The following MBTD1 variants were observed in gnomAD, a reference collection of about 807,000 sequenced individuals.
MBTD1 encodes MBT domain-containing protein 1.
A neutral mutation model predicts 87.8 loss-of-function variants in MBTD1; 24 were observed. The observed-to-expected ratio is 0.27, with a 90% CI of 0.20 to 0.38. The LOEUF (loss-of-function observed/expected upper bound fraction) is 0.38, where lower values mean the gene tolerates loss of function less well. Ranked by LOEUF, MBTD1 falls within the 10% of genes least tolerant of loss-of-function variation. The pLI is 1.00. For missense variants in MBTD1, 436 were observed against 760.2 expected (o/e 0.57, Z 5.02); for synonymous variants, 237 against 248.6 (o/e 0.95, Z 0.44).
rs1490967900 is a variant in MBTD1, at chr17:51,192,335, T to A, written c.1691-55A>T. The A allele has an allele frequency of 4.2e-6, 5 of 1,200,354 alleles. No homozygotes were observed. In the African/African-American group the frequency reaches 7.6e-5, roughly 18 times the overall value. The allele number at this position is 1,200,354 out of a possible 1,614,324, so 74.4% of individuals were successfully genotyped here. ...AGATAATTGTTTACAATTTAGACGA[T>A]ACAGTTGTCTAGATACAACTTATAT... is the stretch of plus-strand genomic sequence containing the variant. On this transcript the variant is annotated intron_variant, in intron 15 of 16. Transcript: ENST00000586178.
chr17:51,217,372 T>C lies in MBTD1; in HGVS notation c.448A>G (p.Asn150Asp). Reference protein sequence around the residue: ...GFSWGNYINSNSFIAAPVTCF... With the variant: ...GFSWGNYINSDSFIAAPVTCF... ...GTAACCGGAGCTGCTATAAAGCTATTGCTATTGATGTAGTTACCCCAGCTG... is the reference window on the plus strand; with the variant it reads ...GTAACCGGAGCTGCTATAAAGCTATCGCTATTGATGTAGTTACCCCAGCTG... Residue 150 changes from asparagine (N) to aspartate (D), a missense_variant, in exon 6 of 17, where the codon AAT becomes GAT. Transcript: ENST00000586178. 1 of 1,540,742 alleles carries C rather than the reference T, an allele frequency of 6.5e-7. No individual in the cohort carries two copies. Among genetic ancestry groups the C allele is most frequent in the Non-Finnish European group, 8.8e-7 (1 of 1,142,552 alleles).
At chr17:51,234,526 CT>C (rs1381398453) in intron 2 of MBTD1, among the ~76,000 whole-genome samples, 1 of 151,906 alleles carries the variant, frequency 6.6e-6, no homozygotes, top group Non-Finnish European at 1.5e-5. Flanking sequence ...GGACAAATTC[CT>C]TCAGAGACAT....
At chr17:51,247,765 G>A (rs773670556) in intron 2 of MBTD1, among the ~76,000 whole-genome samples, 12 of 152,182 alleles carry the variant, frequency 7.9e-5, no homozygotes, top group African/African-American at 1.2e-4. Flanking sequence ...TTACTCTTAC[G>A]TCACAAAAAT....
intron 6 of MBTD1, among the ~76,000 whole-genome samples, chr17:51,216,225 C>T (rs2052562639): frequency 6.6e-6 from 1 of 152,124 alleles, no homozygotes; most frequent in Admixed American, 6.5e-5. Flanking sequence ...AGCCACCGTG[C>T]CCGGCCTAGA....
upstream of MBTD1, chr17:51,260,915 C>T (rs770591171): frequency 2.5e-6 from 4 of 1,582,700 alleles, no homozygotes; most frequent in Admixed American, 1.8e-5. Context: ...GCGGCGTCTG[C>T]GAGGCCCGAG....
intron 12 of MBTD1, 38 bp downstream of exon 12, chr17:51,201,554 A>G (rs1438416130): frequency 3.0e-6 from 4 of 1,351,826 alleles, no homozygotes; most frequent in African/African-American, 1.5e-5. Flanking sequence ...CCCAAATCCT[A>G]TAATTGCATT....
chr17:51,207,564 G>T (rs2051922687), intron 6 of MBTD1, among the ~76,000 whole-genome samples: 1 of 152,122 alleles, frequency 6.6e-6, no homozygotes, highest in African/African-American at 2.4e-5. Flanking sequence ...GAAGAGTTTT[G>T]GAGATGAGTA....
chr17:51,211,095 C>A (rs187513979), intron 6 of MBTD1, among the ~76,000 whole-genome samples: 3 of 150,150 alleles, frequency 2.0e-5, no homozygotes, highest in Non-Finnish European at 4.4e-5. Flanking sequence ...CAAGATGGTG[C>A]CATTACACTC....
intron 2 of MBTD1, among the ~76,000 whole-genome samples, chr17:51,246,656 G>T (rs2054453664): frequency 1.3e-5 from 2 of 151,950 alleles, no homozygotes; most frequent in African/African-American, 2.4e-5. Flanking sequence ...TGTTTTTTGA[G>T]ACAGGGTCTC....
intron 7 of MBTD1, among the ~76,000 whole-genome samples, chr17:51,204,729 A>G (rs1219903818): frequency 7.9e-5 from 12 of 151,900 alleles, no homozygotes; most frequent in Non-Finnish European, 1.6e-4. Context: ...TCGAACTCTC[A>G]ACCTCAGGTG....
intron 12 of MBTD1, among the ~76,000 whole-genome samples, chr17:51,197,110 A>G (rs1213745414): frequency 2.5e-5 from 1 of 40,596 alleles, no homozygotes; most frequent in Non-Finnish European, 5.3e-5. Flanking sequence ...ATATATATAT[A>G]TATATATGGA....
chr17:51,192,361 G>T, intron 15 of MBTD1, 81 bp from the exon 16 acceptor site: 1 of 971,076 alleles, frequency 1.0e-6, no homozygotes, highest in Non-Finnish European at 1.6e-6. Flanking sequence ...CAACTTATAT[G>T]AACTATCTTT....
Position 51,179,515 on chromosome 17 carries a change from T to TTC in MBTD1, c.*1060_*1061insGA, listed in dbSNP as rs1555673850. 59 of 101,508 alleles carry TTC rather than the reference T, an allele frequency of 5.8e-4. 5 individuals are homozygous for TTC. The highest frequency in any genetic ancestry group is 1.9e-3 in the African/African-American group (53 of 27,220). 6.3% of individuals were successfully genotyped at this position (101,508 alleles called of 1,614,324 possible). On this transcript the variant is annotated 3_prime_UTR_variant, in exon 17 of 17. Coordinates refer to ENST00000586178, the MANE Select transcript of MBTD1 (RefSeq NM_017643.3). ...ATATATATATATATATATATATATA[T>TTC]ATATATATATATATATATATATGGA...
At chr17:51,186,633 G>T (rs62060060) in intron 16 of MBTD1, among the ~76,000 whole-genome samples, 6 of 152,096 alleles carry the variant, frequency 3.9e-5, no homozygotes, top group African/African-American at 1.4e-4. Flanking sequence ...AAATAGCTGG[G>T]CATGGTGGCA....
intron 2 of MBTD1, 102 bp downstream of exon 2, chr17:51,259,041 G>C (rs1272800490): frequency 1.0e-5 from 4 of 397,200 alleles, no homozygotes; most frequent in African/African-American, 4.1e-5. Flanking sequence ...GGTCTAATAA[G>C]GGTAGGCAGA....
intron 6 of MBTD1, among the ~76,000 whole-genome samples, chr17:51,208,475 C>T (rs2051983225): frequency 6.6e-6 from 1 of 152,176 alleles, no homozygotes; most frequent in Non-Finnish European, 1.5e-5. Context: ...AGGGCCATCC[C>T]TATTGCCAGC....
At chr17:51,204,064 G>A in intron 7 of MBTD1, 139 bp from the exon 8 acceptor site, 1 of 682,688 alleles carries the variant, frequency 1.5e-6, no homozygotes, top group East Asian at 2.8e-5. Flanking sequence ...AGATGGCTGG[G>A]TCTCACTCCA....
intron 2 of MBTD1, among the ~76,000 whole-genome samples, chr17:51,227,296 C>T (rs1310491490): frequency 6.6e-6 from 1 of 150,562 alleles, no homozygotes; most frequent in African/African-American, 2.4e-5. Flanking sequence ...CATGGTGGCT[C>T]GCATCTGTAA....
intron 2 of MBTD1, among the ~76,000 whole-genome samples, chr17:51,237,310 A>AG (rs1049747671): frequency 4.0e-5 from 6 of 151,648 alleles, no homozygotes; most frequent in Admixed American, 6.6e-5. Flanking sequence ...AAAAAAAAAA[A>AG]AAAAAGAAAA....
Sources: allele counts gnomAD v4.1 joint callset (sites outside exome capture counted in the v4.1 genomes callset), GRCh38; gene constraint gnomAD v4.1.1; transcripts MANE v1.5; gene names NCBI Gene and HGNC (gene_info 2026-07-23, HGNC 2026-07-21).